PIK3CB: variants seen among roughly 807,000 people sequenced by gnomAD.
PIK3CB encodes the protein phosphatidylinositol-4,5-bisphosphate 3-kinase catalytic subunit beta.
Under a neutral mutation model 136.8 loss-of-function variants are expected in PIK3CB, and 39 were observed. The observed-to-expected ratio is 0.29, with a 90% confidence interval of 0.22 to 0.37. The LOEUF is 0.37. PIK3CB is among the 10% of genes least tolerant of loss of function. The pLI is 1.00. For missense variants in PIK3CB, 868 were observed against 1,275.4 expected (o/e 0.68, Z 4.87); for synonymous variants, 428 against 436.6 (o/e 0.98, Z 0.25).
chr3:138,799,638 T>C (rs1364910331), intron 1 of PIK3CB, among the ~76,000 whole-genome samples: 1 of 152,108 alleles, frequency 6.6e-6, no homozygotes, highest in African/African-American at 2.4e-5. Flanking sequence ...TGATCTGGTA[T>C]CTGTCTACAA....
chr3:138,809,845 C>T (rs1323693071), intron 1 of PIK3CB, among the ~76,000 whole-genome samples: 1 of 152,028 alleles, frequency 6.6e-6, no homozygotes, highest in Non-Finnish European at 1.5e-5. Flanking sequence ...AGCAGATACC[C>T]CAGTAGTAAA....
chr3:138,666,950 C>T (rs1235424237), intron 19 of PIK3CB, among the ~76,000 whole-genome samples: 1 of 152,076 alleles, frequency 6.6e-6, no homozygotes, highest in Non-Finnish European at 1.5e-5. Context: ...ACCTGTAATC[C>T]CAGCACTTTG....
chr3:138,693,876 A>G (rs1385981752), intron 14 of PIK3CB, among the ~76,000 whole-genome samples: 1 of 145,618 alleles, frequency 6.9e-6, no homozygotes, highest in Non-Finnish European at 1.5e-5. Context: ...AAGAGAAGTA[A>G]TCAAGACTGG....
intron 2 of PIK3CB, among the ~76,000 whole-genome samples, chr3:138,768,960 T>G (rs1054644642): frequency 1.3e-5 from 2 of 152,088 alleles, no homozygotes; most frequent in African/African-American, 4.8e-5. Context: ...GTTGGGCAGT[T>G]GCACTGGCAT....
intron 1 of PIK3CB, among the ~76,000 whole-genome samples, chr3:138,823,891 G>A (rs1039663381): frequency 6.6e-6 from 1 of 152,138 alleles, no homozygotes; most frequent in African/African-American, 2.4e-5. Flanking sequence ...TTGAGCTCTT[G>A]TTGACAGTTA....
intron 2 of PIK3CB, among the ~76,000 whole-genome samples, chr3:138,771,024 A>T (rs765507160): frequency 2.6e-5 from 4 of 151,892 alleles, no homozygotes; most frequent in Non-Finnish European, 4.4e-5. Flanking sequence ...TACTTCTTTA[A>T]ATACTACATT....
chr3:138,720,470 G>A (rs1000972313), intron 8 of PIK3CB, among the ~76,000 whole-genome samples: 24 of 152,118 alleles, frequency 1.6e-4, no homozygotes, highest in Admixed American at 1.3e-3. Context: ...CATCACACTC[G>A]TCTGGAAGTC....
At chr3:138,817,937 C>G (rs1240696581) in intron 1 of PIK3CB, among the ~76,000 whole-genome samples, 1 of 152,060 alleles carries the variant, frequency 6.6e-6, no homozygotes, top group Non-Finnish European at 1.5e-5. Context: ...GCCTTGGCAA[C>G]AGAATGAGAT....
intron 2 of PIK3CB, among the ~76,000 whole-genome samples, chr3:138,772,700 C>T (rs1385257443): frequency 6.6e-6 from 1 of 150,760 alleles, no homozygotes; most frequent in South Asian, 2.1e-4. Flanking sequence ...GCTTGAACTC[C>T]TGAGCTCAAG....
intron 19 of PIK3CB, among the ~76,000 whole-genome samples, chr3:138,666,371 G>C (rs760784015): frequency 2.0e-5 from 3 of 151,954 alleles, no homozygotes; most frequent in Non-Finnish European, 1.5e-5. Flanking sequence ...TAGAGATGAG[G>C]TCTTGCTTTG....
chr3:138,663,579 G>A lies in PIK3CB; in HGVS notation c.2796+327C>T, dbSNP rs573751570. On this transcript the variant is annotated intron_variant, in intron 21 of 23. Transcript: ENST00000674063. ...ATATTTTTAGTAGAGACGGGGTTTC[G>A]CCATGTTGACCAGGCTGGTCTCAAA... 1.4e-4 allele frequency among the ~76,000 whole-genome samples: 22 copies of A among 151,982 alleles called. No individual in the cohort carries two copies. In the South Asian group the frequency reaches 2.9e-3, roughly 20 times the overall value.
chr3:138,793,137 A>G (rs2108819693), intron 2 of PIK3CB, among the ~76,000 whole-genome samples: 1 of 152,346 alleles, frequency 6.6e-6, no homozygotes, highest in South Asian at 2.1e-4. Flanking sequence ...AGACAAGATT[A>G]GTGTTCTCGT....
intron 4 of PIK3CB, among the ~76,000 whole-genome samples, chr3:138,751,971 TAAA>T (rs11328258): frequency 2.4e-4 from 28 of 114,652 alleles, no homozygotes; most frequent in Admixed American, 2.7e-4. Context: ...ACTCTGTATA[TAAA>T]AAAAAAAAAA....
chr3:138,821,149 G>C (rs1933542237), intron 1 of PIK3CB, among the ~76,000 whole-genome samples: 1 of 151,958 alleles, frequency 6.6e-6, no homozygotes, highest in Non-Finnish European at 1.5e-5. Flanking sequence ...GCTGGGCGTG[G>C]TGGTGCGTGC....
At chr3:138,823,740 A>G (rs1933662498) in intron 1 of PIK3CB, among the ~76,000 whole-genome samples, 1 of 152,154 alleles carries the variant, frequency 6.6e-6, no homozygotes, top group Non-Finnish European at 1.5e-5. Flanking sequence ...AAATAAAAAA[A>G]CTATCAGTAG....
intron 1 of PIK3CB, among the ~76,000 whole-genome samples, chr3:138,803,909 C>T (rs2046203337): frequency 6.6e-6 from 1 of 152,050 alleles, no homozygotes; most frequent in Non-Finnish European, 1.5e-5. Flanking sequence ...TGAATTTTGA[C>T]CAGAATCAAT....
chr3:138,707,661 T>C lies in PIK3CB; in HGVS notation c.1400-372A>G, dbSNP rs569961569. ...ATGGACTTCTTAATCACATGTAATC[T>C]GGTTTTCATGGTTGTCACAATAACC... On this transcript the variant is annotated intron_variant, in intron 10 of 23. Coordinates refer to ENST00000674063, the MANE Select transcript of PIK3CB (RefSeq NM_006219.3). 7.8e-6 allele frequency: 4 copies of C among 512,510 alleles called. No homozygotes were observed. The African/African-American group carries it at 8.3e-5, about 11-fold the overall frequency. 31.7% of individuals were successfully genotyped at this position (512,510 alleles called of 1,614,324 possible).
intron 2 of PIK3CB, among the ~76,000 whole-genome samples, chr3:138,784,928 C>A (rs932555137): frequency 6.6e-6 from 1 of 152,076 alleles, no homozygotes; most frequent in African/African-American, 2.4e-5. Context: ...CGGCCGCCAC[C>A]CCGTCTGGGA....
intron 5 of PIK3CB, among the ~76,000 whole-genome samples, chr3:138,739,856 G>A (rs976788426): frequency 6.7e-5 from 10 of 148,988 alleles, no homozygotes; most frequent in South Asian, 2.1e-4. Context: ...AGCCGAGATC[G>A]TGCCACTGCA....
Sources: allele counts gnomAD v4.1 joint callset (sites outside exome capture counted in the v4.1 genomes callset), GRCh38; gene constraint gnomAD v4.1.1; transcripts MANE v1.5; gene names NCBI Gene and HGNC (gene_info 2026-07-23, HGNC 2026-07-21).